The following FAM222A variants were observed in gnomAD, a reference collection of about 807,000 sequenced individuals.
FAM222A encodes the protein family with sequence similarity 222 member A, also known as protein FAM222A.
FAM222A carries 7 observed loss-of-function variants against 25.8 expected under a neutral mutation model. The ratio of observed to expected loss-of-function variants is 0.27; its 90% CI spans 0.15 to 0.51. The LOEUF (loss-of-function observed/expected upper bound fraction) is 0.51. Ranked by LOEUF, FAM222A falls within the 20% of genes least tolerant of loss-of-function variation. The probability of loss-of-function intolerance (pLI) is 0.97; values close to 1 mark genes in which losing one functional copy is unlikely to be tolerated. For missense variants in FAM222A, 573 were observed against 640.5 expected (o/e 0.89, Z 1.14); for synonymous variants, 294 against 298.8 (o/e 0.98, Z 0.17).
chr12:109,764,462 TA>T (rs1888986916), intron 2 of FAM222A, among the ~76,000 whole-genome samples: 1 of 152,146 alleles, frequency 6.6e-6, no homozygotes, highest in South Asian at 2.1e-4. Context: ...TTCCGTCCAT[TA>T]GATAGATTTT....
chr12:109,736,133 G>A (rs1888080372), intron 1 of FAM222A, among the ~76,000 whole-genome samples: 1 of 152,214 alleles, frequency 6.6e-6, no homozygotes, highest in Non-Finnish European at 1.5e-5. Flanking sequence ...GCCTGGCCCT[G>A]CATAGGTGAG....
intron 2 of FAM222A, among the ~76,000 whole-genome samples, chr12:109,746,265 G>C (rs1485794498): frequency 6.6e-6 from 1 of 152,106 alleles, no homozygotes; most frequent in Non-Finnish European, 1.5e-5. Flanking sequence ...AATGCAGGTG[G>C]ATCACGTGAG....
chr12:109,732,469 A>G (rs1213287982), intron 1 of FAM222A, among the ~76,000 whole-genome samples: 1 of 152,248 alleles, frequency 6.6e-6, no homozygotes, highest in African/African-American at 2.4e-5. Context: ...CCTGCCCAGC[A>G]GCCCATTGTC....
intron 1 of FAM222A, among the ~76,000 whole-genome samples, chr12:109,721,173 CAGCAGCCCTGGGCCACAT>C (rs1253041275): frequency 1.3e-5 from 2 of 152,060 alleles, no homozygotes; most frequent in African/African-American, 2.4e-5. Flanking sequence ...TGATGTGAAG[CAGCAGCCCTGGGCCACAT>C]GGCAGGCCCA....
At chr12:109,755,382 G>A (rs1489455261) in intron 2 of FAM222A, among the ~76,000 whole-genome samples, 3 of 133,278 alleles carry the variant, frequency 2.3e-5, no homozygotes, top group Non-Finnish European at 4.6e-5. Flanking sequence ...GCGCAATCTC[G>A]GCTCACCGCA....
chr12:109,736,329 C>T (rs1488342488), intron 1 of FAM222A, among the ~76,000 whole-genome samples: 8 of 152,224 alleles, frequency 5.3e-5, no homozygotes. Flanking sequence ...ATGCTAACAA[C>T]GGGTACCACT....
chr12:109,733,900 C>T (rs1888009309), intron 1 of FAM222A, among the ~76,000 whole-genome samples: 1 of 152,060 alleles, frequency 6.6e-6, no homozygotes, highest in Non-Finnish European at 1.5e-5. Context: ...TCACAGAGGT[C>T]CTTCAAGGAT....
In FAM222A at chr12:109,768,009, C is replaced by T; in HGVS notation, c.83-3C>T. 6.2e-7 allele frequency: 1 copy of T among 1,609,858 alleles called. No homozygotes were observed. Among genetic ancestry groups the T allele is most frequent in the Non-Finnish European group, 8.5e-7 (1 of 1,177,392 alleles). ...GGCCCTCACACCTGCTTTCCTCCCACAGGCGAGGCGGTGGCCAGCGCCATG... is the reference window on the plus strand; with the variant it reads ...GGCCCTCACACCTGCTTTCCTCCCATAGGCGAGGCGGTGGCCAGCGCCATG... On this transcript the variant is annotated splice_polypyrimidine_tract_variant and splice_region_variant and intron_variant, in intron 2 of 2. Coordinates refer to ENST00000538780, the MANE Select transcript of FAM222A (RefSeq NM_032829.3).
At chr12:109,733,543 A>G (rs1305663312) in intron 1 of FAM222A, among the ~76,000 whole-genome samples, 1 of 152,042 alleles carries the variant, frequency 6.6e-6, no homozygotes, top group Non-Finnish European at 1.5e-5. Flanking sequence ...AGCTGGGACT[A>G]CAGGCACACG....
At chr12:109,723,803 A>G (rs1414107689) in intron 1 of FAM222A, among the ~76,000 whole-genome samples, 1 of 152,156 alleles carries the variant, frequency 6.6e-6, no homozygotes, top group Non-Finnish European at 1.5e-5. Flanking sequence ...CCCACGTCCC[A>G]TCTTCCTGTC....
intron 1 of FAM222A, among the ~76,000 whole-genome samples, chr12:109,733,729 C>T (rs1888006087): frequency 6.6e-6 from 1 of 152,118 alleles, no homozygotes; most frequent in South Asian, 2.1e-4. Context: ...TTCTATCAGA[C>T]AGCACTGGTA....
intron 1 of FAM222A, among the ~76,000 whole-genome samples, chr12:109,743,375 C>T (rs148656054): frequency 0.017 from 2,582 of 152,356 alleles, 61 homozygotes; most frequent in South Asian, 0.058. Context: ...AGGTACCACA[C>T]GGGCCTGTGT....
chr12:109,740,786 T>G (rs1198295470), intron 1 of FAM222A, among the ~76,000 whole-genome samples: 1 of 152,158 alleles, frequency 6.6e-6, no homozygotes, highest in African/African-American at 2.4e-5. Flanking sequence ...TCCCTACCCC[T>G]AAGAAACACA....
chr12:109,718,500 G>A (rs915906551), intron 1 of FAM222A, among the ~76,000 whole-genome samples: 16 of 152,202 alleles, frequency 1.1e-4, no homozygotes, highest in Non-Finnish European at 1.9e-4. Context: ...TGGGCTCGGG[G>A]CGGGGGTGAG....
chr12:109,748,571 T>A (rs1888472764), intron 2 of FAM222A, among the ~76,000 whole-genome samples: 1 of 152,162 alleles, frequency 6.6e-6, no homozygotes, highest in Non-Finnish European at 1.5e-5. Context: ...TTAGTTTGAT[T>A]GTTTGTTCTA....
intron 2 of FAM222A, among the ~76,000 whole-genome samples, chr12:109,745,021 AT>A (rs976850190): frequency 4.6e-5 from 7 of 151,562 alleles, no homozygotes; most frequent in African/African-American, 1.2e-4. Context: ...ATGTGAAAAT[AT>A]TTTTTTTCTT....
At chr12:109,725,316 A>G (rs1484489912) in intron 1 of FAM222A, among the ~76,000 whole-genome samples, 1 of 152,038 alleles carries the variant, frequency 6.6e-6, no homozygotes, top group African/African-American at 2.4e-5. Flanking sequence ...TCCTTCTCAC[A>G]GATGAGTAAA....
rs1888851427 is a variant in FAM222A at position 109,760,150 on chromosome 12, A to C, written c.83-7862A>C. Among the ~76,000 whole-genome samples, 3 of 152,044 alleles carry C rather than the reference A, an allele frequency of 2.0e-5. No homozygotes were observed. In the South Asian group the frequency reaches 6.2e-4, roughly 32 times the overall value. On this transcript the variant is annotated intron_variant, in intron 2 of 2. Transcript: ENST00000538780. ...CAGTGCATGGTGGAACGCTGGGTGG[A>C]GGCCATCCCTGCCTCATGGACAGCA...
intron 2 of FAM222A, among the ~76,000 whole-genome samples, chr12:109,747,894 ATTTC>A (rs1462148156): frequency 6.6e-6 from 1 of 152,214 alleles, no homozygotes; most frequent in Non-Finnish European, 1.5e-5. Context: ...TTATACCTTA[ATTTC>A]TTTATTTTAT....
Sources: allele counts gnomAD v4.1 joint callset (sites outside exome capture counted in the v4.1 genomes callset), GRCh38; gene constraint gnomAD v4.1.1; transcripts MANE v1.5; gene names NCBI Gene and HGNC (gene_info 2026-07-23, HGNC 2026-07-21).